Variants in PDE10A observed in about 807,000 individuals in gnomAD.
The protein encoded by PDE10A is phosphodiesterase 10A.
Under a neutral mutation model 97.7 loss-of-function variants are expected in PDE10A, and 39 were observed. That is an observed-to-expected ratio of 0.40 (90% confidence interval 0.31 to 0.52). The LOEUF (loss-of-function observed/expected upper bound fraction) is 0.52, where lower values mean the gene tolerates loss of function less well. Ranked by LOEUF, PDE10A falls within the 20% of genes least tolerant of loss-of-function variation. The probability of loss-of-function intolerance (pLI) is 0.56; values close to 1 mark genes in which losing one functional copy is unlikely to be tolerated. For missense variants in PDE10A, 731 were observed against 1,047.8 expected (o/e 0.70, Z 4.17); for synonymous variants, 371 against 376.8 (o/e 0.98, Z 0.18).
At chr6:165,930,365 G>T (rs1229647689) in intron 1 of PDE10A, among the ~76,000 whole-genome samples, 3 of 152,192 alleles carry the variant, frequency 2.0e-5, no homozygotes, top group African/African-American at 7.2e-5. Flanking sequence ...GAGGGTGTGG[G>T]TGGCCACCCA....
intron 1 of PDE10A, among the ~76,000 whole-genome samples, chr6:165,675,364 G>A (rs2128437846): frequency 6.6e-6 from 1 of 152,256 alleles, no homozygotes; most frequent in Middle Eastern, 3.4e-3. Flanking sequence ...ATACATGCAT[G>A]AGTCTATATA....
At chr6:165,807,388 A>G (rs913434065) in intron 1 of PDE10A, among the ~76,000 whole-genome samples, 2 of 152,174 alleles carry the variant, frequency 1.3e-5, no homozygotes, top group Non-Finnish European at 2.9e-5. Flanking sequence ...CTCAATAAAC[A>G]GATGCAGGGC....
At chr6:165,906,034 T>A (rs1311143709) in intron 1 of PDE10A, among the ~76,000 whole-genome samples, 1 of 3,872 alleles carries the variant, frequency 2.6e-4, no homozygotes, top group Non-Finnish European at 4.6e-4. Context: ...CCTTCCTTCC[T>A]TCCTTCCTTC....
At position 165,332,341 on chromosome 6, in the gene PDE10A, A is replaced by T. The variant is rs1279287387; in HGVS notation, c.*684T>A. 6.6e-6 allele frequency: 1 copy of T among 152,248 alleles called. No homozygotes were observed. Among genetic ancestry groups the T allele is most frequent in the Admixed American group, 6.5e-5 (1 of 15,292 alleles). 9.4% of individuals were successfully genotyped at this position (152,248 alleles called of 1,614,324 possible). ...ATATACCTCATCTCTTCTCAAAAAG[A>T]CAGGAAGTCTACTTCGTCTAGTGTT... On this transcript the variant is annotated 3_prime_UTR_variant, in exon 22 of 22. Transcript: ENST00000539869.
rs138667860 is a variant in PDE10A, at chr6:165,527,861, T to C, written c.994+15579A>G. ...CTCATGGGGAGTTCCCTATGATCAG[T>C]TGACAGAAGAAGAGAAGGCTAGGAC... On this transcript the variant is annotated intron_variant, in intron 2 of 21. Coordinates refer to ENST00000539869, the MANE Select transcript of PDE10A (RefSeq NM_001385079.1). Among the ~76,000 whole-genome samples, 20 of 152,296 alleles carry C rather than the reference T, an allele frequency of 1.3e-4. No individual in the cohort carries two copies. In the East Asian group the frequency reaches 1.5e-3, roughly 12 times the overall value.
chr6:165,504,320 C>G (rs867290921), intron 2 of PDE10A, among the ~76,000 whole-genome samples: 2 of 152,070 alleles, frequency 1.3e-5, no homozygotes, highest in African/African-American at 2.4e-5. Flanking sequence ...ACTATGATGT[C>G]TTTTATTAAA....
chr6:165,354,329 G>A (rs1179717366), intron 18 of PDE10A, among the ~76,000 whole-genome samples: 3 of 152,116 alleles, frequency 2.0e-5, no homozygotes, highest in Admixed American at 6.5e-5. Flanking sequence ...CCTGAATAAA[G>A]AACAACCAGC....
chr6:165,526,697 G>A (rs1782467764), intron 2 of PDE10A, among the ~76,000 whole-genome samples: 1 of 152,270 alleles, frequency 6.6e-6, no homozygotes, highest in East Asian at 1.9e-4. Context: ...AATTGCAGCT[G>A]CTGTACCAGA....
At chr6:165,767,353 AAGGTTGTG>A (rs1777881558) in intron 1 of PDE10A, among the ~76,000 whole-genome samples, 2 of 152,196 alleles carry the variant, frequency 1.3e-5, no homozygotes, top group African/African-American at 4.8e-5. Context: ...GTATCTTCAC[AAGGTTGTG>A]CAATCATCAC....
chr6:165,446,149 C>T (rs1241241170), intron 5 of PDE10A, among the ~76,000 whole-genome samples: 1 of 152,144 alleles, frequency 6.6e-6, no homozygotes, highest in African/African-American at 2.4e-5. Flanking sequence ...AGTCAATATT[C>T]AGAGAGATAA....
intron 2 of PDE10A, among the ~76,000 whole-genome samples, chr6:165,507,456 T>G (rs1160365686): frequency 6.6e-6 from 1 of 152,076 alleles, no homozygotes; most frequent in Non-Finnish European, 1.5e-5. Flanking sequence ...TATGCACTCT[T>G]CATGAGACTC....
chr6:165,632,634 A>G (rs1788686161), intron 1 of PDE10A, among the ~76,000 whole-genome samples: 1 of 152,240 alleles, frequency 6.6e-6, no homozygotes, highest in Admixed American at 6.5e-5. Context: ...AAAAGAGACT[A>G]TGACTTTGAT....
At chr6:165,800,765 C>A (rs1778962200) in intron 1 of PDE10A, among the ~76,000 whole-genome samples, 1 of 152,182 alleles carries the variant, frequency 6.6e-6, no homozygotes, top group South Asian at 2.1e-4. Flanking sequence ...GCCGCTAGAG[C>A]ATGGAAATGG....
intron 1 of PDE10A, among the ~76,000 whole-genome samples, chr6:165,848,082 T>A (rs1424342752): frequency 1.5e-5 from 1 of 64,706 alleles, no homozygotes; most frequent in Non-Finnish European, 2.8e-5. Context: ...AATTTCCATA[T>A]GCTAGCTATT....
At chr6:165,845,526 A>AG (rs1440501468) in intron 1 of PDE10A, among the ~76,000 whole-genome samples, 1 of 152,230 alleles carries the variant, frequency 6.6e-6, no homozygotes, top group Non-Finnish European at 1.5e-5. Context: ...AAGAATTGAG[A>AG]GGAAAACCCA....
At chr6:165,570,235 G>C (rs1279371611) in intron 1 of PDE10A, among the ~76,000 whole-genome samples, 1 of 152,146 alleles carries the variant, frequency 6.6e-6, no homozygotes, top group African/African-American at 2.4e-5. Flanking sequence ...TTAAAAGGCA[G>C]AATGAATCTT....
chr6:165,789,775 GCTT>G (rs1778598246), intron 1 of PDE10A, among the ~76,000 whole-genome samples: 1 of 151,426 alleles, frequency 6.6e-6, no homozygotes. Context: ...CCAAAGACAT[GCTT>G]TATCTTACTT....
chr6:165,422,314 C>T (rs968221406), intron 10 of PDE10A, among the ~76,000 whole-genome samples: 25 of 130,040 alleles, frequency 1.9e-4, no homozygotes, highest in African/African-American at 4.7e-4. Context: ...TACACACATA[C>T]GCATATACAC....
intron 1 of PDE10A, among the ~76,000 whole-genome samples, chr6:165,898,362 A>G (rs1229340258): frequency 2.0e-5 from 3 of 152,144 alleles, no homozygotes. Context: ...GTGAGCGAGC[A>G]CAGCCTCGGG....
Sources: gnomAD v4.1 joint callset for allele counts (sites outside exome capture counted in the v4.1 genomes callset) on GRCh38, gnomAD v4.1.1 for gene constraint, MANE v1.5 for transcripts, NCBI Gene and HGNC (gene_info 2026-07-23, HGNC 2026-07-21) for gene names.